FBXL13: variants seen among roughly 807,000 people sequenced by gnomAD.
FBXL13 encodes F-box and leucine rich repeat protein 13.
FBXL13 carries 67 observed loss-of-function variants against 83.6 expected under a neutral mutation model. The ratio of observed to expected loss-of-function variants is 0.80; its 90% CI spans 0.66 to 0.98. The LOEUF is 0.98. Ranked by LOEUF, FBXL13 falls within the 50% of genes least tolerant of loss-of-function variation. The probability of loss-of-function intolerance (pLI) is 0.00; values close to 1 mark genes in which losing one functional copy is unlikely to be tolerated. For synonymous variants in FBXL13, 272 were observed against 299.5 expected (o/e 0.91, Z 0.95); for missense variants, 822 against 866.5 (o/e 0.95, Z 0.64).
chr7:102,830,607 G>A (rs1343130778), intron 18 of FBXL13, among the ~76,000 whole-genome samples: 3 of 152,070 alleles, frequency 2.0e-5, no homozygotes, highest in African/African-American at 4.8e-5. Flanking sequence ...GTTTTGTCAC[G>A]GTTTACCACA....
At chr7:102,912,771 G>A (rs1167216686) in intron 11 of FBXL13, among the ~76,000 whole-genome samples, 2 of 145,384 alleles carry the variant, frequency 1.4e-5, no homozygotes, top group African/African-American at 2.6e-5. Context: ...TTTGTGTCTT[G>A]GTAGCAACTC....
chr7:102,995,000 A>G (rs1436340379), intron 6 of FBXL13, among the ~76,000 whole-genome samples: 1 of 152,210 alleles, frequency 6.6e-6, no homozygotes, highest in African/African-American at 2.4e-5. Context: ...ATTCGCACAT[A>G]AAATTTCTCA....
At chr7:102,837,177 T>C (rs1290449712) in intron 17 of FBXL13, among the ~76,000 whole-genome samples, 1 of 152,202 alleles carries the variant, frequency 6.6e-6, no homozygotes, top group African/African-American at 2.4e-5. Flanking sequence ...TTGTTCCCAC[T>C]GGGCATCAGA....
In FBXL13 at chr7:102,878,428, G is replaced by A; in HGVS notation, c.1411C>T (p.Gln471Ter). 1 of 1,605,246 alleles carries A rather than the reference G, an allele frequency of 6.2e-7. No individual in the cohort carries two copies. The stretch of plus-strand genomic sequence containing the variant: ...ATGCTTGCAGGACCATCAAGAAATT[G>A]CTTTAGTCCCATATCACCAATTCTG... The change falls in exon 15 of 20, where the codon CAA becomes TAA. Residue 471 changes from glutamine (Q) to a stop codon, truncating the protein, a stop_gained. Coordinates refer to ENST00000313221, the Ensembl canonical transcript of FBXL13. LOFTEE classifies it high-confidence loss of function.
chr7:103,017,386 A>G (rs1364679507), intron 6 of FBXL13, among the ~76,000 whole-genome samples: 1 of 152,286 alleles, frequency 6.6e-6, no homozygotes, highest in Middle Eastern at 3.4e-3. Context: ...AAAACAGAGC[A>G]GAAAAGCTGA....
At chr7:103,018,199 C>G (rs190716604) in intron 6 of FBXL13, among the ~76,000 whole-genome samples, 2 of 152,106 alleles carry the variant, frequency 1.3e-5, no homozygotes, top group Non-Finnish European at 1.5e-5. Context: ...AATTTTCAAC[C>G]CAGAATTTCA....
At chr7:102,918,202 T>C (rs1288587503) in intron 10 of FBXL13, among the ~76,000 whole-genome samples, 2 of 152,204 alleles carry the variant, frequency 1.3e-5, no homozygotes, top group Non-Finnish European at 2.9e-5. Context: ...CAGAGAATCA[T>C]TATGAAATGT....
At chr7:102,884,962 C>T (rs1810602551) in intron 11 of FBXL13, among the ~76,000 whole-genome samples, 1 of 152,154 alleles carries the variant, frequency 6.6e-6, no homozygotes, top group Non-Finnish European at 1.5e-5. Flanking sequence ...TTGTAGCATG[C>T]ATGAACACCT....
At chr7:102,813,392 C>T in exon 20 of FBXL13, 2 of 1,614,022 alleles carry the variant, frequency 1.2e-6, no homozygotes, top group African/African-American at 1.3e-5. Context: ...ACTGTTAATT[C>T]TAAGGCTCCT....
intron 6 of FBXL13, among the ~76,000 whole-genome samples, chr7:103,004,437 A>G (rs1167628209): frequency 1.3e-5 from 2 of 152,206 alleles, no homozygotes; most frequent in Non-Finnish European, 2.9e-5. Context: ...CTCTTACAGC[A>G]TGGTGCTGCT....
chr7:103,041,450 G>C (rs913157771), intron 2 of FBXL13, among the ~76,000 whole-genome samples: 1 of 152,168 alleles, frequency 6.6e-6, no homozygotes, highest in Non-Finnish European at 1.5e-5. Context: ...GAAAAAGAGA[G>C]AATCTTCCCT....
chr7:102,934,983 C>T (rs908723582), intron 8 of FBXL13, among the ~76,000 whole-genome samples: 5 of 152,130 alleles, frequency 3.3e-5, no homozygotes, highest in African/African-American at 1.2e-4. Context: ...ATCTTAACTC[C>T]AATTTAATTT....
intron 17 of FBXL13, among the ~76,000 whole-genome samples, chr7:102,844,670 C>CA (rs1803617205): frequency 6.6e-6 from 1 of 152,108 alleles, no homozygotes; most frequent in Admixed American, 6.5e-5. Flanking sequence ...ATACACTGAC[C>CA]AATTCTGTGA....
chr7:103,032,840 G>T (rs1794645821), intron 2 of FBXL13, among the ~76,000 whole-genome samples: 1 of 152,094 alleles, frequency 6.6e-6, no homozygotes, highest in Non-Finnish European at 1.5e-5. Flanking sequence ...GAGTAGCCTC[G>T]GCAACATAGT....
chr7:102,930,681 A>G (rs975939587), intron 9 of FBXL13, among the ~76,000 whole-genome samples: 12 of 152,060 alleles, frequency 7.9e-5, no homozygotes, highest in African/African-American at 2.4e-4. Context: ...TTCTCTTACT[A>G]TTCCTTCTGA....
intron 6 of FBXL13, among the ~76,000 whole-genome samples, chr7:103,001,896 T>C (rs1790437052): frequency 6.6e-6 from 1 of 152,170 alleles, no homozygotes; most frequent in East Asian, 1.9e-4. Context: ...AGCTTGCAGA[T>C]AGCCTATTGT....
chr7:102,897,218 A>C (rs1812360714), intron 11 of FBXL13, among the ~76,000 whole-genome samples: 1 of 151,930 alleles, frequency 6.6e-6, no homozygotes, highest in South Asian at 2.1e-4. Context: ...AGGTGATATA[A>C]AGCCATGAGA....
intron 8 of FBXL13, among the ~76,000 whole-genome samples, chr7:102,937,095 G>A (rs926073822): frequency 1.3e-5 from 2 of 152,036 alleles, no homozygotes; most frequent in Non-Finnish European, 2.9e-5. Flanking sequence ...TATAAATAAG[G>A]TTTCATGACA....
rs962506289 is a variant in FBXL13 at position 102,883,163 on chromosome 7, A to G, written c.1388+142T>C. On this transcript the variant is annotated intron_variant, in intron 14 of 19. Coordinates refer to ENST00000313221, the Ensembl canonical transcript of FBXL13. ...GGGAGCCCCTCTTTCTTATAACTAC[A>G]GAACTCTGCACTTACCTCTACTTTA... The G allele has an allele frequency of 8.2e-6, 6 of 732,124 alleles. No individual in the cohort carries two copies. In the African/African-American group the frequency reaches 1.1e-4, roughly 13 times the overall value. The allele number at this position is 732,124 out of a possible 1,614,324, so 45.4% of individuals were successfully genotyped here. A position where few individuals can be genotyped will look rare whatever the true frequency, so the allele number is the denominator to read the frequency against.
Sources: gnomAD v4.1 joint callset for allele counts (sites outside exome capture counted in the v4.1 genomes callset) on GRCh38, gnomAD v4.1.1 for gene constraint, MANE v1.5 for transcripts, NCBI Gene and HGNC (gene_info 2026-07-23, HGNC 2026-07-21) for gene names.